The following DNER variants were observed in gnomAD, a reference collection of about 807,000 sequenced individuals.
DNER encodes the protein delta/notch like EGF repeat containing.
DNER carries 33 observed loss-of-function variants against 78.2 expected under a neutral mutation model. That is an observed-to-expected ratio of 0.42 (90% CI 0.32 to 0.56). DNER has a LOEUF of 0.56. Among genes scored for constraint, DNER ranks in the 20% least tolerant of loss-of-function variants. The pLI, the probability that DNER is intolerant of heterozygous loss-of-function variation, is 0.11. For missense variants in DNER, 918 were observed against 975.3 expected (o/e 0.94, Z 0.78); for synonymous variants, 417 against 384.8 (o/e 1.08, Z -0.98).
intron 8 of DNER, among the ~76,000 whole-genome samples, chr2:229,436,869 C>T (rs1437094676): frequency 6.6e-6 from 1 of 152,178 alleles, no homozygotes; most frequent in Non-Finnish European, 1.5e-5. Flanking sequence ...AGCAGTGACA[C>T]TATAAAGCGG....
intron 1 of DNER, among the ~76,000 whole-genome samples, chr2:229,669,136 T>C (rs1699162892): frequency 1.3e-5 from 2 of 151,992 alleles, no homozygotes; most frequent in African/African-American, 2.4e-5. Flanking sequence ...AAATACCACA[T>C]GTTCTCACTC....
chr2:229,481,853 G>A (rs778123703), intron 6 of DNER, among the ~76,000 whole-genome samples: 2 of 152,144 alleles, frequency 1.3e-5, no homozygotes, highest in Admixed American at 6.5e-5. Flanking sequence ...GGTAATACAC[G>A]GTGGCCATTC....
intron 8 of DNER, among the ~76,000 whole-genome samples, chr2:229,423,953 C>T (rs1221173854): frequency 6.6e-6 from 1 of 152,206 alleles, no homozygotes; most frequent in Non-Finnish European, 1.5e-5. Context: ...ACGTCTCTTC[C>T]TCCACTACAG....
chr2:229,405,924 T>G (rs138484896), intron 10 of DNER, among the ~76,000 whole-genome samples: 2,859 of 152,338 alleles, frequency 0.019, 36 homozygotes, highest in Non-Finnish European at 0.02. Context: ...ATATTATTTT[T>G]GCCTCCACTG....
At chr2:229,381,677 C>T (rs535957467) in intron 11 of DNER, among the ~76,000 whole-genome samples, 16 of 152,280 alleles carry the variant, frequency 1.1e-4, no homozygotes, top group South Asian at 1.0e-3. Context: ...TTGGATTGGA[C>T]GGAGCCCACC....
chr2:229,699,742 G>T (rs1429695704), intron 1 of DNER, among the ~76,000 whole-genome samples: 1 of 152,146 alleles, frequency 6.6e-6, no homozygotes, highest in African/African-American at 2.4e-5. Flanking sequence ...TTTTTCAAAA[G>T]CAAATTCTTG....
At chr2:229,369,196 A>C (rs1692420373) in intron 11 of DNER, among the ~76,000 whole-genome samples, 1 of 151,876 alleles carries the variant, frequency 6.6e-6, no homozygotes, top group African/African-American at 2.4e-5. Flanking sequence ...ACTTTCTAAA[A>C]AGTTAAACTT....
intron 1 of DNER, among the ~76,000 whole-genome samples, chr2:229,625,209 T>G (rs1698315937): frequency 6.6e-6 from 1 of 152,028 alleles, no homozygotes; most frequent in African/African-American, 2.4e-5. Context: ...GTAGCTCTCT[T>G]GTATTTTACA....
chr2:229,522,389 A>T (rs756956850), intron 5 of DNER, among the ~76,000 whole-genome samples: 1 of 152,218 alleles, frequency 6.6e-6, no homozygotes, highest in African/African-American at 2.4e-5. Context: ...ATCAGTCTTG[A>T]TCTTCAATTC....
intron 5 of DNER, 28 bp from the exon 6 acceptor site, chr2:229,512,964 A>G (rs1695898394): frequency 1.2e-6 from 2 of 1,607,446 alleles, no homozygotes; most frequent in Non-Finnish European, 1.7e-6. Context: ...CACAGTGTCT[A>G]TTACCTGGCA....
intron 8 of DNER, among the ~76,000 whole-genome samples, chr2:229,425,797 G>T (rs1040685249): frequency 6.6e-6 from 1 of 152,160 alleles, no homozygotes; most frequent in Non-Finnish European, 1.5e-5. Context: ...ATCACCTCTG[G>T]AGCGTGATTT....
rs142398894 is a variant in DNER, at chr2:229,534,170, T to G, written c.993+12777A>C. 6.6e-4 allele frequency among the ~76,000 whole-genome samples: 101 copies of G among 152,120 alleles called. 1 individual carries two copies. Among genetic ancestry groups the G allele is most frequent in the African/African-American group, 2.3e-3 (97 of 41,490 alleles). On this transcript the variant is annotated intron_variant, in intron 5 of 12. Transcript: ENST00000341772. Reference sequence around the variant, plus strand: ...AATGAAACAGACCAATAGATTGTAATGAAACAGACCAATAGATTGTAACGT... The same window carrying G: ...AATGAAACAGACCAATAGATTGTAAGGAAACAGACCAATAGATTGTAACGT...
chr2:229,594,852 T>C (rs1388658812), intron 1 of DNER, among the ~76,000 whole-genome samples: 1 of 151,726 alleles, frequency 6.6e-6, no homozygotes, highest in East Asian at 1.9e-4. Context: ...GCCTGAATGC[T>C]TTTTTGAGAA....
chr2:229,527,915 G>C (rs779413016), intron 5 of DNER, among the ~76,000 whole-genome samples: 8 of 152,152 alleles, frequency 5.3e-5, no homozygotes, highest in Admixed American at 5.2e-4. Flanking sequence ...AATACATTTA[G>C]CTGAGTAGAG....
chr2:229,557,736 G>GA (rs755815311), intron 4 of DNER, among the ~76,000 whole-genome samples: 2,255 of 130,134 alleles, frequency 0.017, 90 homozygotes, highest in East Asian at 0.14. Flanking sequence ...GGAGACAAAA[G>GA]AAAAAAAAAA....
intron 11 of DNER, among the ~76,000 whole-genome samples, chr2:229,386,257 T>A (rs1285473198): frequency 1.3e-5 from 2 of 152,214 alleles, no homozygotes; most frequent in East Asian, 3.8e-4. Context: ...TTGGGAAAAC[T>A]GGCTAGCCAT....
intron 1 of DNER, among the ~76,000 whole-genome samples, chr2:229,598,387 A>G (rs759535): frequency 0.36 from 55,463 of 152,144 alleles, 10,287 homozygotes; most frequent in East Asian, 0.5. Context: ...AGGAAGATGA[A>G]TAAAGCCTTA....
intron 8 of DNER, among the ~76,000 whole-genome samples, chr2:229,435,086 C>T (rs1169660695): frequency 6.6e-6 from 1 of 152,122 alleles, no homozygotes; most frequent in African/African-American, 2.4e-5. Context: ...AAGCTTGGCC[C>T]TGTGACTTGC....
intron 8 of DNER, among the ~76,000 whole-genome samples, chr2:229,420,526 G>A (rs538800444): frequency 7.9e-5 from 12 of 152,128 alleles, no homozygotes; most frequent in African/African-American, 1.2e-4. Flanking sequence ...TTTCCCCTAC[G>A]TTTTCTTCTA....
Sources: gnomAD v4.1 joint callset for allele counts (sites outside exome capture counted in the v4.1 genomes callset) on GRCh38, gnomAD v4.1.1 for gene constraint, MANE v1.5 for transcripts, NCBI Gene and HGNC (gene_info 2026-07-23, HGNC 2026-07-21) for gene names.